Variants in EML6 observed in about 807,000 individuals in gnomAD.
The protein encoded by EML6 is echinoderm microtubule-associated protein-like 6.
In EML6, 154 loss-of-function variants were observed where a neutral mutation model predicts 240.1. The ratio of observed to expected loss-of-function variants is 0.64; its 90% CI spans 0.56 to 0.73. The LOEUF (loss-of-function observed/expected upper bound fraction) is 0.73, where lower values mean the gene tolerates loss of function less well. Ranked by LOEUF, EML6 falls within the 30% of genes least tolerant of loss-of-function variation. EML6 has a pLI of 0.00. For synonymous variants in EML6, 1,148 were observed against 899.0 expected, an observed-to-expected ratio of 1.28 and a Z score of -4.95; for missense variants, 2,964 against 2,474.6, an observed-to-expected ratio of 1.20 and a Z score of -4.20.
chr2:54,963,129 G>T (rs3821111), intron 36 of EML6, among the ~76,000 whole-genome samples: 5 of 150,200 alleles, frequency 3.3e-5, no homozygotes, highest in African/African-American at 9.8e-5. Context: ...TGGGCGGAGC[G>T]GGGTGGGTGG....
At chr2:54,785,070 C>T (rs1402028402) in intron 2 of EML6, among the ~76,000 whole-genome samples, 1 of 151,942 alleles carries the variant, frequency 6.6e-6, no homozygotes, top group Non-Finnish European at 1.5e-5. Context: ...TGGCACTTCA[C>T]AGGGGGTCCC....
chr2:54,797,847 G>C (rs1410109139), intron 2 of EML6, among the ~76,000 whole-genome samples: 1 of 152,112 alleles, frequency 6.6e-6, no homozygotes, highest in Non-Finnish European at 1.5e-5. Context: ...GTCATTGATA[G>C]ATTTTTTTTA....
chr2:54,775,604 T>C (rs187216742), intron 2 of EML6, among the ~76,000 whole-genome samples: 39 of 152,346 alleles, frequency 2.6e-4, no homozygotes, highest in Non-Finnish European at 4.4e-4. Context: ...ACTGTGTATT[T>C]AATGTTTATT....
intron 36 of EML6, among the ~76,000 whole-genome samples, chr2:54,963,144 G>GGGGGGGGTGGGGGGA (rs1573226020): frequency 2.9e-5 from 1 of 34,376 alleles, no homozygotes; most frequent in Non-Finnish European, 6.1e-5. Context: ...GGGTGGGAGG[G>GGGGGGGGTGGGGGGA]AACAAAGAGT....
intron 9 of EML6, among the ~76,000 whole-genome samples, chr2:54,848,441 A>G (rs536285383): frequency 6.6e-6 from 1 of 151,638 alleles, no homozygotes; most frequent in Admixed American, 6.6e-5. Context: ...AGTGGGCAAC[A>G]TTTTCTTTCT....
At position 54,957,895 on chromosome 2, in the gene EML6, A is replaced by G; in HGVS notation, c.4592A>G (p.Lys1531Arg). The stretch of plus-strand genomic sequence containing the variant: ...GTATCTGTCGGGGTCAAACATATGA[A>G]GTTCTGGACCCTGGCAGGCAGCGCC... ...QFVSVGVKHM[K>R]FWTLAGSALL... Residue 1531 changes from lysine (K) to arginine (R), a missense_variant, in exon 33 of 42, where the codon AAG becomes AGG. By Grantham distance (26) the Lys-to-Arg change is conservative (BLOSUM62 2). Transcript: ENST00000356458. The G allele has an allele frequency of 6.4e-7, 1 of 1,551,548 alleles. No individual in the cohort carries two copies. Among genetic ancestry groups the G allele is most frequent in the East Asian group, 2.4e-5 (1 of 40,922 alleles).
chr2:54,822,335 T>G (rs1668370863), intron 5 of EML6, among the ~76,000 whole-genome samples: 1 of 152,196 alleles, frequency 6.6e-6, no homozygotes, highest in Non-Finnish European at 1.5e-5. Flanking sequence ...TTGGAAATAT[T>G]TATCCTTAGA....
At chr2:54,902,635 G>T (rs1419248303) in intron 22 of EML6, among the ~76,000 whole-genome samples, 1 of 152,244 alleles carries the variant, frequency 6.6e-6, no homozygotes, top group Non-Finnish European at 1.5e-5. Flanking sequence ...CAGGGCTCAA[G>T]CAATCCACCT....
At chr2:54,902,280 A>T (rs1673098597) in intron 22 of EML6, among the ~76,000 whole-genome samples, 1 of 152,120 alleles carries the variant, frequency 6.6e-6, no homozygotes, top group Non-Finnish European at 1.5e-5. Flanking sequence ...CATTTACCCC[A>T]CTTATTTTTT....
chr2:54,753,271 G>C (rs1382456879), intron 2 of EML6, among the ~76,000 whole-genome samples: 1 of 152,102 alleles, frequency 6.6e-6, no homozygotes, highest in African/African-American at 2.4e-5. Context: ...CAATAACATT[G>C]AGCACTAGTG....
intron 4 of EML6, among the ~76,000 whole-genome samples, chr2:54,819,990 T>C (rs1668257082): frequency 6.6e-6 from 1 of 152,202 alleles, no homozygotes; most frequent in African/African-American, 2.4e-5. Flanking sequence ...AACTATTGAA[T>C]GTTTTCCTAG....
chr2:54,934,584 C>G (rs1476990083), intron 28 of EML6, among the ~76,000 whole-genome samples: 6 of 152,174 alleles, frequency 3.9e-5, no homozygotes, highest in Admixed American at 1.3e-4. Context: ...GGGTCTGGCT[C>G]TGTTGCCCAG....
intron 15 of EML6, among the ~76,000 whole-genome samples, chr2:54,870,666 C>T (rs576654184): frequency 6.6e-6 from 1 of 151,906 alleles, no homozygotes; most frequent in African/African-American, 2.4e-5. Context: ...TTAATAGCCT[C>T]TTTTTTTAAG....
At chr2:54,939,587 A>T (rs1329969036) in intron 28 of EML6, among the ~76,000 whole-genome samples, 7 of 152,126 alleles carry the variant, frequency 4.6e-5, no homozygotes, top group Non-Finnish European at 8.8e-5. Flanking sequence ...CATTTTCAAT[A>T]GCCCCCACTT....
At chr2:54,842,019 A>G (rs1317354042) in intron 7 of EML6, among the ~76,000 whole-genome samples, 4 of 151,960 alleles carry the variant, frequency 2.6e-5, no homozygotes, top group African/African-American at 7.3e-5. Context: ...CTCACTATCA[A>G]TGTGCCCCAC....
At chr2:54,732,440 G>A (rs1056575694) in intron 2 of EML6, among the ~76,000 whole-genome samples, 1 of 152,042 alleles carries the variant, frequency 6.6e-6, no homozygotes, top group Admixed American at 6.6e-5. Flanking sequence ...TTACATTTAG[G>A]TAGATGATCT....
At chr2:54,801,371 G>T (rs557354978) in intron 2 of EML6, among the ~76,000 whole-genome samples, 1 of 151,816 alleles carries the variant, frequency 6.6e-6, no homozygotes, top group African/African-American at 2.4e-5. Context: ...TTCCTATGAC[G>T]TGTCTGAGAA....
chr2:54,864,222 C>A lies in EML6; in HGVS notation c.1932+333C>A, dbSNP rs1180598286. ...CATAGGTCTTTTTTCACTTTCTTAG[C>A]AGATTATGAAAGCATGTGTTTCCTT... is the stretch of plus-strand genomic sequence containing the variant. On this transcript the variant is annotated intron_variant, in intron 13 of 41. Transcript: ENST00000356458. Among the ~76,000 whole-genome samples the A allele has an allele frequency of 4.6e-5, 7 of 152,118 alleles. No homozygotes were observed. In the East Asian group the frequency reaches 1.3e-3, roughly 29 times the overall value.
chr2:54,965,595 C>T (rs1188860702), intron 38 of EML6, among the ~76,000 whole-genome samples: 1 of 152,078 alleles, frequency 6.6e-6, no homozygotes, highest in Non-Finnish European at 1.5e-5. Flanking sequence ...TGGGGGGAAG[C>T]CAGTGAACCA....
Sources: gnomAD v4.1 joint callset for allele counts (sites outside exome capture counted in the v4.1 genomes callset) on GRCh38, gnomAD v4.1.1 for gene constraint, MANE v1.5 for transcripts, NCBI Gene and HGNC (gene_info 2026-07-23, HGNC 2026-07-21) for gene names.